Variants in PCDHGB2 observed in about 807,000 individuals in gnomAD.
The protein encoded by PCDHGB2 is protocadherin gamma-B2.
PCDHGB2 carries 55 observed loss-of-function variants against 59.3 expected under a neutral mutation model. That is an observed-to-expected ratio of 0.93 (90% confidence interval 0.75 to 1.16). PCDHGB2 has a LOEUF of 1.16. PCDHGB2 is among the 50% of genes most tolerant of loss of function. The pLI is 0.00. For synonymous variants in PCDHGB2, 516 were observed against 512.0 expected (o/e 1.01, Z -0.11); for missense variants, 1,228 against 1,198.5 (o/e 1.02, Z -0.36).
chr5:141,360,857 T>A lies in PCDHGB2; in HGVS notation c.722T>A (p.Val241Glu), dbSNP rs765284863. The A allele has an allele frequency of 5.6e-6, 9 of 1,613,894 alleles. No homozygotes were observed. Among genetic ancestry groups the A allele is most frequent in the Non-Finnish European group, 7.6e-6 (9 of 1,179,884 alleles). The stretch of plus-strand genomic sequence containing the variant: ...ACGGATGCCAACGATAACCCTCCAG[T>A]GTTCAGCCAGGACGTGTACAGGGTC... ...KVTDANDNPPVFSQDVYRVTL... is the reference protein window; with the variant it reads ...KVTDANDNPPEFSQDVYRVTL... The change falls in exon 1 of 4, where the codon GTG becomes GAG. Residue 241 changes from valine (V) to glutamate (E), a missense_variant. Val to Glu is a moderately radical substitution (Grantham distance 121, BLOSUM62 -2). Coordinates refer to ENST00000522605, the MANE Select transcript of PCDHGB2 (RefSeq NM_018923.3).
At chr5:141,375,524 G>C (rs746416710) in intron 1 of PCDHGB2, 2 of 1,613,868 alleles carry the variant, frequency 1.2e-6, no homozygotes, top group African/African-American at 2.7e-5. Flanking sequence ...GGACCCTGAC[G>C]TGGACCAGAA....
At chr5:141,376,069 G>A in intron 1 of PCDHGB2, 1 of 1,613,452 alleles carries the variant, frequency 6.2e-7, no homozygotes, top group Non-Finnish European at 8.5e-7. Context: ...CGCTCACCGT[G>A]GCCGTGGCCG....
chr5:141,364,827 C>G (rs1444045845), intron 1 of PCDHGB2: 1 of 1,613,996 alleles, frequency 6.2e-7, no homozygotes, highest in Non-Finnish European at 8.5e-7. Context: ...GGTGTGAACT[C>G]TCTCCGGAGT....
chr5:141,360,312 G>A lies in PCDHGB2; in HGVS notation c.177G>A (p.Arg59=). ...CCAAGGATCTGGGGCTCAGCGTCCG[G>A]GACTTGCCAGCCCGGAAGCTGCGGG... is the stretch of plus-strand genomic sequence containing the variant. ...NLAKDLGLSV[R]DLPARKLRVS... The change falls in exon 1 of 4, where the codon CGG becomes CGA. Residue 59 remains arginine, a synonymous_variant. Coordinates refer to ENST00000522605, the MANE Select transcript of PCDHGB2 (RefSeq NM_018923.3). 1 of 1,613,976 alleles carries A rather than the reference G, an allele frequency of 6.2e-7. No individual in the cohort carries two copies. The highest frequency in any genetic ancestry group is 2.2e-5 in the East Asian group (1 of 44,876).
chr5:141,421,102 T>G, intron 1 of PCDHGB2: 1 of 691,404 alleles, frequency 1.4e-6, no homozygotes, highest in Non-Finnish European at 2.4e-6. Flanking sequence ...CACTGGAGAC[T>G]TAGAAGTATT....
chr5:141,407,455 C>G (rs2094931708), intron 1 of PCDHGB2, among the ~76,000 whole-genome samples: 1 of 148,412 alleles, frequency 6.7e-6, no homozygotes, highest in African/African-American at 2.5e-5. Context: ...ACGAGGCTCA[C>G]CAGACAGATG....
chr5:141,450,645 C>T (rs2098688869), intron 1 of PCDHGB2, among the ~76,000 whole-genome samples: 2 of 151,618 alleles, frequency 1.3e-5, no homozygotes, highest in Non-Finnish European at 2.9e-5. Context: ...TGCCACCATG[C>T]CTGGCTAATT....
At chr5:141,430,945 C>G (rs1466092130) in intron 1 of PCDHGB2, 1 of 1,609,234 alleles carries the variant, frequency 6.2e-7, no homozygotes, top group Non-Finnish European at 8.5e-7. Context: ...TCGCGGAGCG[C>G]GGAGTCCGCA....
chr5:141,444,897 G>T (rs1445334623), intron 1 of PCDHGB2, among the ~76,000 whole-genome samples: 1 of 152,274 alleles, frequency 6.6e-6, no homozygotes, highest in African/African-American at 2.4e-5. Flanking sequence ...GAATGGGATG[G>T]CATTGCATCT....
At chr5:141,427,898 C>T in intron 1 of PCDHGB2, 4 of 1,570,874 alleles carry the variant, frequency 2.5e-6, no homozygotes, top group African/African-American at 1.3e-5. Flanking sequence ...AGGGCTCGCC[C>T]GCGCTCAGCG....
chr5:141,494,742 G>A (rs1223104681), intron 1 of PCDHGB2, 65 bp from the exon 2 acceptor site: 10 of 1,611,946 alleles, frequency 6.2e-6, no homozygotes, highest in Non-Finnish European at 8.5e-6. Context: ...CCCATCCCTA[G>A]GGGCTCGGGT....
At chr5:141,393,609 G>A (rs1428368601) in intron 1 of PCDHGB2, 2 of 1,613,940 alleles carry the variant, frequency 1.2e-6, no homozygotes, top group South Asian at 2.2e-5. Context: ...TACTGTAACA[G>A]CCAGCGACCC....
chr5:141,388,527 T>C, intron 1 of PCDHGB2: 1 of 1,613,866 alleles, frequency 6.2e-7, no homozygotes, highest in Non-Finnish European at 8.5e-7. Flanking sequence ...TTTGACTGCC[T>C]TGGACTTTGG....
intron 1 of PCDHGB2, among the ~76,000 whole-genome samples, chr5:141,459,014 T>C (rs1429233660): frequency 6.6e-6 from 1 of 152,240 alleles, no homozygotes; most frequent in East Asian, 1.9e-4. Context: ...ATTACAGGCA[T>C]GAGCCACCAC....
intron 1 of PCDHGB2, among the ~76,000 whole-genome samples, chr5:141,454,420 T>C (rs889393211): frequency 6.6e-6 from 1 of 152,218 alleles, no homozygotes; most frequent in African/African-American, 2.4e-5. Context: ...TATTTATTTA[T>C]TTAGAGACAG....
chr5:141,503,418 A>G (rs1037754214), intron 2 of PCDHGB2, among the ~76,000 whole-genome samples: 1 of 151,528 alleles, frequency 6.6e-6, no homozygotes, highest in Admixed American at 6.6e-5. Context: ...AATATGGTGA[A>G]ACCCCATCTC....
intron 1 of PCDHGB2, chr5:141,409,297 T>G (rs762820320): frequency 1.9e-6 from 3 of 1,614,006 alleles, no homozygotes; most frequent in South Asian, 2.2e-5. Context: ...CAGGAATGGT[T>G]GTTGCCCTCT....
Position 141,491,302 on chromosome 5 carries a change from T to TC in PCDHGB2, c.2422-3504dup. The TC allele has an allele frequency of 6.2e-7, 1 of 1,614,126 alleles. No individual in the cohort carries two copies. Among genetic ancestry groups the TC allele is most frequent in the Non-Finnish European group, 8.5e-7 (1 of 1,180,000 alleles). On this transcript the variant is annotated intron_variant, in intron 1 of 3. Transcript: ENST00000522605. The surrounding 1 kb of genome is among the most constrained non-coding windows in gnomAD (Gnocchi z 6.9). ...CTTCCTCATACACCCTCCTGAGCGT[T>TC]CAGACCTTACCCTTTACCTCATTGT... is the stretch of plus-strand genomic sequence containing the variant.
intron 1 of PCDHGB2, chr5:141,393,996 G>C (rs1379037065): frequency 3.1e-6 from 5 of 1,613,290 alleles, no homozygotes; most frequent in East Asian, 2.2e-5. Flanking sequence ...TTTTAAATTA[G>C]AAAAGTCAAT....
Sources: allele counts gnomAD v4.1 joint callset (sites outside exome capture counted in the v4.1 genomes callset), GRCh38; gene constraint gnomAD v4.1.1; non-coding constraint Gnocchi (gnomAD v3.1); transcripts MANE v1.5; gene names NCBI Gene and HGNC (gene_info 2026-07-23, HGNC 2026-07-21).